SLC24A2: variants seen among roughly 807,000 people sequenced by gnomAD.
SLC24A2 encodes sodium/potassium/calcium exchanger 2.
In SLC24A2, 36 loss-of-function variants were observed where a neutral mutation model predicts 62.0. The observed-to-expected ratio is 0.58, with a 90% CI of 0.44 to 0.77. The LOEUF is 0.77. Ranked by LOEUF, SLC24A2 falls within the 30% of genes least tolerant of loss-of-function variation. SLC24A2 has a pLI of 0.00. For missense variants in SLC24A2, 846 were observed against 817.9 expected, an observed-to-expected ratio of 1.03 and a Z score of -0.42; for synonymous variants, 358 against 294.0, an observed-to-expected ratio of 1.22 and a Z score of -2.23.
the SLC24A2 span, among the ~76,000 whole-genome samples, chr9:20,072,204 G>A: frequency 1.3e-5 from 2 of 152,138 alleles, no homozygotes; most frequent in South Asian, 2.1e-4. Context: ...TGGACAAGAA[G>A]TGTATGATGT....
chr9:19,749,087 G>T (rs1054049010), intron 2 of SLC24A2, among the ~76,000 whole-genome samples: 5 of 147,578 alleles, frequency 3.4e-5, no homozygotes, highest in African/African-American at 1.3e-4. Flanking sequence ...AAATTGCTTT[G>T]GGCATTCTAG....
chr9:19,757,827 C>T (rs752346483), intron 2 of SLC24A2, among the ~76,000 whole-genome samples: 3 of 152,068 alleles, frequency 2.0e-5, no homozygotes, highest in Non-Finnish European at 4.4e-5. Context: ...GTACTATACT[C>T]TTGGTAGTGA....
chr9:19,777,788 G>T (rs1587312802), intron 2 of SLC24A2, among the ~76,000 whole-genome samples: 1 of 152,110 alleles, frequency 6.6e-6, no homozygotes, highest in Non-Finnish European at 1.5e-5. Flanking sequence ...AATGTGCATA[G>T]TCATCTTTGG....
At chr9:20,254,022 C>A in the SLC24A2 span, among the ~76,000 whole-genome samples, 4 of 152,088 alleles carry the variant, frequency 2.6e-5, no homozygotes, top group African/African-American at 4.8e-5. Flanking sequence ...AAGAGAGAGA[C>A]AAAGACAGGC....
the SLC24A2 span, among the ~76,000 whole-genome samples, chr9:20,106,814 C>A: frequency 6.6e-6 from 1 of 152,128 alleles, no homozygotes; most frequent in Non-Finnish European, 1.5e-5. Flanking sequence ...TCTCTCACCA[C>A]TCCTATTCAA....
chr9:19,611,143 G>C (rs1837148649), intron 4 of SLC24A2, among the ~76,000 whole-genome samples: 1 of 152,130 alleles, frequency 6.6e-6, no homozygotes, highest in African/African-American at 2.4e-5. Context: ...TTGAAGGAGG[G>C]GAGACCAGGA....
chr9:19,593,685 T>A (rs992179091), intron 5 of SLC24A2, among the ~76,000 whole-genome samples: 1 of 152,160 alleles, frequency 6.6e-6, no homozygotes, highest in South Asian at 2.1e-4. Flanking sequence ...CCCTATGCTG[T>A]AGCCAATTCC....
chr9:19,824,820 C>A, the SLC24A2 span, among the ~76,000 whole-genome samples: 1 of 152,180 alleles, frequency 6.6e-6, no homozygotes, highest in Admixed American at 6.5e-5. Context: ...CACATATACA[C>A]CATAGAACAC....
the SLC24A2 span, among the ~76,000 whole-genome samples, chr9:19,916,991 T>G: frequency 6.8e-6 from 1 of 147,804 alleles, no homozygotes; most frequent in Non-Finnish European, 1.5e-5. Flanking sequence ...GTTTTTTTTT[T>G]TTTTTTTTTT....
chr9:20,165,850 A>T, the SLC24A2 span, among the ~76,000 whole-genome samples: 1 of 151,952 alleles, frequency 6.6e-6, no homozygotes, highest in East Asian at 1.9e-4. Context: ...AACAAAAACA[A>T]ATGACAAATT....
the SLC24A2 span, among the ~76,000 whole-genome samples, chr9:20,122,217 C>G: frequency 6.6e-6 from 1 of 152,174 alleles, no homozygotes; most frequent in Non-Finnish European, 1.5e-5. Context: ...GGCATAAGGC[C>G]CTGTGCAAAT....
At chr9:19,714,606 C>T (rs995839746) in intron 2 of SLC24A2, among the ~76,000 whole-genome samples, 6 of 152,068 alleles carry the variant, frequency 3.9e-5, no homozygotes, top group Admixed American at 6.6e-5. Flanking sequence ...AGAAGCATTC[C>T]TTATGAGTCA....
the SLC24A2 span, among the ~76,000 whole-genome samples, chr9:20,137,517 A>T: frequency 1.3e-5 from 2 of 152,198 alleles, no homozygotes; most frequent in South Asian, 4.1e-4. Context: ...TCTTGGAAAT[A>T]CTTGTGTCTG....
At chr9:19,980,306 T>A in the SLC24A2 span, among the ~76,000 whole-genome samples, 1 of 152,176 alleles carries the variant, frequency 6.6e-6, no homozygotes, top group Non-Finnish European at 1.5e-5. Context: ...GGTCTCTGGA[T>A]CCACACTTGA....
the SLC24A2 span, among the ~76,000 whole-genome samples, chr9:20,192,631 T>G: frequency 1.3e-5 from 2 of 152,174 alleles, no homozygotes; most frequent in Admixed American, 6.5e-5. Flanking sequence ...TTAAGAACTA[T>G]GTCATTATTA....
chr9:19,583,061 C>T (rs1330212852), intron 5 of SLC24A2, among the ~76,000 whole-genome samples: 1 of 152,150 alleles, frequency 6.6e-6, no homozygotes, highest in Non-Finnish European at 1.5e-5. Flanking sequence ...ACTTACTTCT[C>T]TGCAAAATCC....
At chr9:20,151,292 G>A in the SLC24A2 span, among the ~76,000 whole-genome samples, 2 of 151,802 alleles carry the variant, frequency 1.3e-5, no homozygotes, top group Admixed American at 1.3e-4. Context: ...ACTTGCTTTG[G>A]TAGGATTTTA....
At chr9:20,269,218 C>G in the SLC24A2 span, among the ~76,000 whole-genome samples, 10 of 151,968 alleles carry the variant, frequency 6.6e-5, no homozygotes, top group African/African-American at 2.4e-4. Flanking sequence ...AGTTTTGTGG[C>G]TCTCCCTTAA....
intron 2 of SLC24A2, among the ~76,000 whole-genome samples, chr9:19,725,274 C>T (rs1172268091): frequency 6.6e-6 from 1 of 152,154 alleles, no homozygotes; most frequent in African/African-American, 2.4e-5. Context: ...TTATATCCTG[C>T]ACACTGTACA....
Sources: gnomAD v4.1 joint callset for allele counts (sites outside exome capture counted in the v4.1 genomes callset) on GRCh38, gnomAD v4.1.1 for gene constraint, MANE v1.5 for transcripts, NCBI Gene and HGNC (gene_info 2026-07-23, HGNC 2026-07-21) for gene names.